The following CIB2 variants were observed in gnomAD, a reference collection of about 807,000 sequenced individuals.
The protein encoded by CIB2 is calcium and integrin-binding family member 2.
In CIB2, 19 loss-of-function variants were observed where a neutral mutation model predicts 23.1. The observed-to-expected ratio is 0.82, with a 90% CI of 0.57 to 1.21. The LOEUF (loss-of-function observed/expected upper bound fraction) is 1.21, where lower values mean the gene tolerates loss of function less well. CIB2 is among the 50% of genes most tolerant of loss of function. The pLI is 0.00. For missense variants in CIB2, 220 were observed against 241.5 expected (o/e 0.91, Z 0.59); for synonymous variants, 94 against 91.7 (o/e 1.03, Z -0.14).
chr15:78,116,899 A>C (rs1456764137), intron 2 of CIB2, among the ~76,000 whole-genome samples: 1 of 151,942 alleles, frequency 6.6e-6, no homozygotes, highest in Admixed American at 6.6e-5. Context: ...TGGGCAACAC[A>C]GTGAGACTGT....
intron 1 of CIB2, among the ~76,000 whole-genome samples, chr15:78,128,975 T>A (rs2074418275): frequency 6.6e-6 from 1 of 151,762 alleles, no homozygotes; most frequent in South Asian, 2.1e-4. Context: ...GGAGCAGCAG[T>A]GGGTGTTGGA....
rs1190450080 is a variant in CIB2, at chr15:78,131,245, C to A, written c.-30G>T. ...GCCGCCGCGCCGCCGCTCGCCCGCC[C>A]GGGCTCCGACTCCCATCAGCGGCCG... On this transcript the variant is annotated 5_prime_UTR_variant, in exon 1 of 6. Coordinates refer to ENST00000258930, the MANE Select transcript of CIB2 (RefSeq NM_006383.4). This position sits in a 1 kb window ranked among gnomAD's most constrained non-coding sequence, Gnocchi z 5.8. 6.8e-7 allele frequency: 1 copy of A among 1,468,776 alleles called. No individual in the cohort carries two copies. The highest frequency in any genetic ancestry group is 1.3e-5 in the South Asian group (1 of 75,922). The allele number at this position is 1,468,776 out of a possible 1,614,324, so 91.0% of individuals were successfully genotyped here.
At chr15:78,109,520 G>A (rs1024801158) in intron 3 of CIB2, 138 bp from the exon 4 acceptor site, 2 of 900,384 alleles carry the variant, frequency 2.2e-6, no homozygotes, top group Admixed American at 2.0e-5. Context: ...CTGTAAAAAG[G>A]GAATAATAAT....
At chr15:78,129,237 G>T (rs1394420218) in intron 1 of CIB2, among the ~76,000 whole-genome samples, 11 of 152,094 alleles carry the variant, frequency 7.2e-5, no homozygotes, top group African/African-American at 2.7e-4. Context: ...TGGCTGGAGA[G>T]CCAGAGGGTA....
intron 2 of CIB2, among the ~76,000 whole-genome samples, chr15:78,123,068 G>A (rs979539246): frequency 7.2e-5 from 11 of 152,262 alleles, no homozygotes; most frequent in African/African-American, 2.4e-4. Context: ...GGGTTCTGAG[G>A]CTGCCGATCC....
At chr15:78,129,045 G>C (rs939243017) in intron 1 of CIB2, among the ~76,000 whole-genome samples, 1 of 152,310 alleles carries the variant, frequency 6.6e-6, no homozygotes, top group Non-Finnish European at 1.5e-5. Flanking sequence ...ACAATGCAGA[G>C]GAGTGTTCTG....
chr15:78,106,690 T>A (rs78723063), intron 4 of CIB2, among the ~76,000 whole-genome samples: 4,058 of 152,076 alleles, frequency 0.027, 172 homozygotes, highest in African/African-American at 0.094. Flanking sequence ...CTGCCTGGGG[T>A]CCCTTCCCAG....
At chr15:78,106,903 G>C (rs1330290132) in intron 4 of CIB2, among the ~76,000 whole-genome samples, 1 of 152,098 alleles carries the variant, frequency 6.6e-6, no homozygotes, top group East Asian at 1.9e-4. Flanking sequence ...CTATGAGGCA[G>C]GCACAATTGA....
At position 78,131,157 on chromosome 15, in the gene CIB2, G is replaced by A. The variant is rs1467723525; in HGVS notation, c.51+8C>T. On this transcript the variant is annotated splice_region_variant and intron_variant, in intron 1 of 5. Transcript: ENST00000258930. This position sits in a 1 kb window ranked among gnomAD's most constrained non-coding sequence, Gnocchi z 5.8. ...GCCTGTGTTGGGGGCCGGGCGCGCCGAGCTCACCTGGTAGTTGTCTAGCTG... is the reference window on the plus strand; with the variant it reads ...GCCTGTGTTGGGGGCCGGGCGCGCCAAGCTCACCTGGTAGTTGTCTAGCTG... 5 of 1,584,492 alleles carry A rather than the reference G, an allele frequency of 3.2e-6. No homozygotes were observed. Among genetic ancestry groups the A allele is most frequent in the Non-Finnish European group, 8.6e-7 (1 of 1,167,164 alleles).
chr15:78,110,074 C>G (rs1362134440), intron 3 of CIB2, among the ~76,000 whole-genome samples: 1 of 152,204 alleles, frequency 6.6e-6, no homozygotes, highest in East Asian at 1.9e-4. Context: ...GCAGCAAGAG[C>G]CATACAGCCA....
chr15:78,109,195 C>CCT, intron 4 of CIB2, 40 bp downstream of exon 4: 1 of 1,293,866 alleles, frequency 7.7e-7, no homozygotes, highest in Non-Finnish European at 1.1e-6. Context: ...CACATGTTCC[C>CCT]CCACCGCATA....
intron 2 of CIB2, among the ~76,000 whole-genome samples, chr15:78,121,924 C>A (rs1256388816): frequency 6.6e-6 from 1 of 152,170 alleles, no homozygotes; most frequent in East Asian, 1.9e-4. Flanking sequence ...AATGAGACCA[C>A]GGGAGGATGG....
intron 2 of CIB2, among the ~76,000 whole-genome samples, chr15:78,115,302 G>C (rs2074221722): frequency 1.3e-5 from 2 of 152,100 alleles, no homozygotes; most frequent in Admixed American, 1.3e-4. Flanking sequence ...CTTTCGCCCA[G>C]GCTGGAGTGC....
In CIB2 at chr15:78,124,228, T is replaced by C. The variant is rs146245176; in HGVS notation, c.52-489A>G. 8.0e-3 allele frequency among the ~76,000 whole-genome samples: 1,212 copies of C among 152,014 alleles called. 20 individuals carry two copies. The highest frequency in any genetic ancestry group is 0.027 in the African/African-American group (1,131 of 41,416). ...TCAGAGACTGAGAGTTCCAGGCACA[T>C]AGACTGGGGAAGCATCAGTATATAC... On this transcript the variant is annotated intron_variant, in intron 1 of 5. Coordinates refer to ENST00000258930, the MANE Select transcript of CIB2 (RefSeq NM_006383.4).
chr15:78,110,555 C>T (rs1567051144), intron 3 of CIB2: 2 of 422,826 alleles, frequency 4.7e-6, no homozygotes, highest in Non-Finnish European at 9.6e-6. Flanking sequence ...GCCCCAAATG[C>T]CTTCTTAATG....
chr15:78,126,984 A>G (rs1049841074), intron 1 of CIB2, among the ~76,000 whole-genome samples: 1 of 152,166 alleles, frequency 6.6e-6, no homozygotes, highest in African/African-American at 2.4e-5. Flanking sequence ...ATTCTAGTCT[A>G]GCTTCAGACC....
At chr15:78,119,137 T>C (rs1427927084) in intron 2 of CIB2, among the ~76,000 whole-genome samples, 1 of 139,214 alleles carries the variant, frequency 7.2e-6, no homozygotes, top group Non-Finnish European at 1.6e-5. Context: ...ACACAGACTT[T>C]AAAAAAAAAA....
rs2074120722 is a variant in CIB2, at chr15:78,109,360, A to T, written c.221T>A (p.Ile74Asn). The T allele has an allele frequency of 1.2e-6, 2 of 1,613,688 alleles. No individual in the cohort carries two copies. Among genetic ancestry groups the T allele is most frequent in the Admixed American group, 1.7e-5 (1 of 59,986 alleles). ...ACCATCCTCGGAAAACGCCGCCACG[A>T]TCCTTTCTTTGAAGGGATTCTCCTG... ...ELRENPFKER[I>N]VAAFSEDGEG... Residue 74 changes from isoleucine (I) to asparagine (N), a missense_variant, in exon 4 of 6, where the codon ATC becomes AAC. Transcript: ENST00000258930.
rs1269118630 is a variant in CIB2, at chr15:78,131,202, T to C, written c.14A>G (p.Gln5Arg). 2 of 1,568,942 alleles carry C rather than the reference T, an allele frequency of 1.3e-6. No individual in the cohort carries two copies. Among genetic ancestry groups the C allele is most frequent in the Admixed American group, 1.7e-5 (1 of 57,446 alleles). The stretch of plus-strand genomic sequence containing the variant: ...TAGCTGCTCTTCGGTGAAGATGGTC[T>C]GCTTGTTCCCCATGGTGGCCGCCGC... MGNKQTIFTEEQLDN... is the reference protein window; with the variant it reads MGNKRTIFTEEQLDN... Residue 5 changes from glutamine (Q) to arginine (R), a missense_variant, in exon 1 of 6, where the codon CAG becomes CGG. Physicochemically the swap from Gln to Arg is conservative, Grantham distance 43. Transcript: ENST00000258930. The surrounding 1 kb of genome is among the most constrained non-coding windows in gnomAD (Gnocchi z 5.8).
Sources: gnomAD v4.1 joint callset for allele counts (sites outside exome capture counted in the v4.1 genomes callset) on GRCh38, gnomAD v4.1.1 for gene constraint, Gnocchi (gnomAD v3.1) non-coding constraint, MANE v1.5 for transcripts, NCBI Gene and HGNC (gene_info 2026-07-23, HGNC 2026-07-21) for gene names.